The following SPATS2 variants were observed in gnomAD, a reference collection of about 807,000 sequenced individuals.
SPATS2 encodes the protein spermatogenesis-associated serine-rich protein 2.
Under a neutral mutation model 63.7 loss-of-function variants are expected in SPATS2, and 38 were observed. That is an observed-to-expected ratio of 0.60 (90% CI 0.46 to 0.78). The LOEUF (loss-of-function observed/expected upper bound fraction) is 0.78. Among genes scored for constraint, SPATS2 ranks in the 30% least tolerant of loss-of-function variants. The pLI is 0.00. For missense variants in SPATS2, 588 were observed against 666.2 expected (o/e 0.88, Z 1.29); for synonymous variants, 207 against 232.9 (o/e 0.89, Z 1.01).
chr12:49,488,392 T>A (rs1381965937), intron 4 of SPATS2, among the ~76,000 whole-genome samples: 3 of 151,992 alleles, frequency 2.0e-5, no homozygotes, highest in African/African-American at 7.2e-5. Context: ...GTGCGGTAGC[T>A]CAAAGCCTGT....
At chr12:49,476,513 C>G (rs908421072) in intron 3 of SPATS2, among the ~76,000 whole-genome samples, 2 of 152,186 alleles carry the variant, frequency 1.3e-5, no homozygotes, top group African/African-American at 4.8e-5. Flanking sequence ...CTAATTGACA[C>G]AACACAAGCT....
chr12:49,453,742 G>T (rs1484331601), intron 2 of SPATS2, among the ~76,000 whole-genome samples: 1 of 151,898 alleles, frequency 6.6e-6, no homozygotes, highest in Non-Finnish European at 1.5e-5. Flanking sequence ...GAGCCCAGGA[G>T]TTTGAGGTTG....
chr12:49,524,573 TAGAC>T, intron 12 of SPATS2, 105 bp from the exon 13 acceptor site: 1 of 1,158,516 alleles, frequency 8.6e-7, no homozygotes, highest in Non-Finnish European at 1.2e-6. Flanking sequence ...TTTATTCGAA[TAGAC>T]AGTTCTTTAT....
chr12:49,508,532 A>G (rs1187012507), intron 9 of SPATS2, among the ~76,000 whole-genome samples: 2 of 152,112 alleles, frequency 1.3e-5, no homozygotes, highest in African/African-American at 4.8e-5. Flanking sequence ...CACAGTTTCA[A>G]ATGAGGATCT....
intron 2 of SPATS2, among the ~76,000 whole-genome samples, chr12:49,391,768 G>C (rs1944423196): frequency 6.6e-6 from 1 of 151,946 alleles, no homozygotes; most frequent in Non-Finnish European, 1.5e-5. Context: ...ACTTTATATG[G>C]TAATTTTTAT....
In SPATS2 at chr12:49,460,910, C is replaced by A; in HGVS notation, c.-103C>A. ...TTCGTATTTTTTGCTTCCAACTGCACACTTCCGTTGCCCACTTTTAAATCA... is the reference window on the plus strand; with the variant it reads ...TTCGTATTTTTTGCTTCCAACTGCAAACTTCCGTTGCCCACTTTTAAATCA... On this transcript the variant is annotated 5_prime_UTR_variant, in exon 3 of 14. Transcript: ENST00000552918. 1.5e-6 allele frequency: 2 copies of A among 1,367,020 alleles called. No homozygotes were observed. The highest frequency in any genetic ancestry group is 1.0e-6 in the Non-Finnish European group (1 of 976,806). 84.7% of individuals were successfully genotyped at this position (1,367,020 alleles called of 1,614,324 possible). A position where few individuals can be genotyped will look rare whatever the true frequency, so the allele number is the denominator to read the frequency against.
chr12:49,451,914 A>G (rs777274687), intron 2 of SPATS2, among the ~76,000 whole-genome samples: 1 of 152,146 alleles, frequency 6.6e-6, no homozygotes, highest in African/African-American at 2.4e-5. Flanking sequence ...TTCTTTTAGC[A>G]CTTTGAATGT....
In SPATS2 at chr12:49,462,618, C is replaced by T. The variant is rs190769666; in HGVS notation, c.25+1581C>T. 64 of 593,998 alleles carry T rather than the reference C, an allele frequency of 1.1e-4. 1 individual carries two copies. Among genetic ancestry groups the T allele is most frequent in the African/African-American group, 4.5e-4 (24 of 53,680 alleles). 36.8% of individuals were successfully genotyped at this position (593,998 alleles called of 1,614,324 possible). On this transcript the variant is annotated intron_variant, in intron 3 of 13. Transcript: ENST00000552918. ...GGTGTCCAGGAAAAATGAGGTCACACGAATGAATTGAAGGATGGTAAATGC... is the reference window on the plus strand; with the variant it reads ...GGTGTCCAGGAAAAATGAGGTCACATGAATGAATTGAAGGATGGTAAATGC...
At chr12:49,499,041 C>T (rs891379191) in intron 8 of SPATS2, among the ~76,000 whole-genome samples, 1 of 152,166 alleles carries the variant, frequency 6.6e-6, no homozygotes, top group African/African-American at 2.4e-5. Context: ...CCATCTTGGC[C>T]TCCCAAAGTG....
Position 49,492,648 on chromosome 12 carries a change from A to G in SPATS2, c.264+1917A>G, listed in dbSNP as rs370796412. ...CTTAAAATTTGGAGAAAGAAATATGACTTCAGTTTAGCAGTCCCAAATGCA... is the reference window on the plus strand; with the variant it reads ...CTTAAAATTTGGAGAAAGAAATATGGCTTCAGTTTAGCAGTCCCAAATGCA... On this transcript the variant is annotated intron_variant, in intron 6 of 13. Coordinates refer to ENST00000552918, the MANE Select transcript of SPATS2 (RefSeq NM_023071.4). Among the ~76,000 whole-genome samples, 71 of 152,296 alleles carry G rather than the reference A, an allele frequency of 4.7e-4. No homozygotes were observed. The South Asian group carries it at 0.012, about 26-fold the overall frequency.
At chr12:49,383,418 A>T (rs1331291749) in intron 2 of SPATS2, among the ~76,000 whole-genome samples, 2 of 151,066 alleles carry the variant, frequency 1.3e-5, no homozygotes, top group Admixed American at 1.3e-4. Flanking sequence ...CTTTATTTTT[A>T]TTTATTTTTT....
At chr12:49,513,821 G>A (rs896188070) in intron 9 of SPATS2, among the ~76,000 whole-genome samples, 1 of 152,148 alleles carries the variant, frequency 6.6e-6, no homozygotes, top group African/African-American at 2.4e-5. Flanking sequence ...TTAATTAGAT[G>A]CAAGGCCATC....
At chr12:49,386,353 G>A (rs966247268) in intron 2 of SPATS2, among the ~76,000 whole-genome samples, 1 of 151,922 alleles carries the variant, frequency 6.6e-6, no homozygotes, top group Admixed American at 6.6e-5. Context: ...TAGTAGAGAC[G>A]GGGTTTCACC....
chr12:49,383,355 T>G (rs1422921721), intron 2 of SPATS2, among the ~76,000 whole-genome samples: 1 of 152,086 alleles, frequency 6.6e-6, no homozygotes, highest in Non-Finnish European at 1.5e-5. Context: ...GTATATTCTT[T>G]AACTTTTTCT....
chr12:49,452,974 G>A (rs1270490073), intron 2 of SPATS2, among the ~76,000 whole-genome samples: 1 of 151,742 alleles, frequency 6.6e-6, no homozygotes, highest in Admixed American at 6.6e-5. Context: ...TGGCTAACAC[G>A]GTGAAACCCC....
At chr12:49,492,818 G>A (rs141567914) in intron 6 of SPATS2, among the ~76,000 whole-genome samples, 63 of 152,138 alleles carry the variant, frequency 4.1e-4, no homozygotes, top group Middle Eastern at 6.8e-3. Flanking sequence ...AGATGAGGCC[G>A]GGCACGGTGG....
chr12:49,466,894 A>G (rs1204599606), intron 3 of SPATS2, among the ~76,000 whole-genome samples: 1 of 152,150 alleles, frequency 6.6e-6, no homozygotes, highest in South Asian at 2.1e-4. Context: ...TAGAATTATC[A>G]TCTTAACAAC....
chr12:49,417,092 C>A (rs1402604357), intron 2 of SPATS2, among the ~76,000 whole-genome samples: 1 of 152,150 alleles, frequency 6.6e-6, no homozygotes, highest in Non-Finnish European at 1.5e-5. Flanking sequence ...TAATAAAAAC[C>A]TCTTTTCTTC....
At chr12:49,478,980 A>G (rs1946162498) in intron 3 of SPATS2, among the ~76,000 whole-genome samples, 1 of 151,998 alleles carries the variant, frequency 6.6e-6, no homozygotes, top group Non-Finnish European at 1.5e-5. Flanking sequence ...CCTACAGAGT[A>G]TTCAGCTCTC....
Sources: allele counts gnomAD v4.1 joint callset (sites outside exome capture counted in the v4.1 genomes callset), GRCh38; gene constraint gnomAD v4.1.1; transcripts MANE v1.5; gene names NCBI Gene and HGNC (gene_info 2026-07-23, HGNC 2026-07-21).